Variants in IGSF10 observed in about 807,000 individuals in gnomAD.
IGSF10 encodes calvaria mechanical force protein 608.
IGSF10 carries 126 observed loss-of-function variants against 128.2 expected under a neutral mutation model. The ratio of observed to expected loss-of-function variants is 0.98; its 90% CI spans 0.85 to 1.14. IGSF10 has a LOEUF of 1.14. Among genes scored for constraint, IGSF10 ranks in the 50% most tolerant of loss-of-function variants. The pLI is 0.00. For synonymous variants in IGSF10, 1,185 were observed against 1,146.2 expected, an observed-to-expected ratio of 1.03 and a Z score of -0.68; for missense variants, 3,295 against 3,149.8, an observed-to-expected ratio of 1.05 and a Z score of -1.10.
At chr3:151,466,168 G>C in the IGSF10 span, among the ~76,000 whole-genome samples, 1 of 152,076 alleles carries the variant, frequency 6.6e-6, no homozygotes, top group African/African-American at 2.4e-5. Context: ...TTTGTCTGAA[G>C]TTTTAACAGA....
chr3:151,503,411 A>G, the IGSF10 span, among the ~76,000 whole-genome samples: 1 of 152,116 alleles, frequency 6.6e-6, no homozygotes, highest in African/African-American at 2.4e-5. Flanking sequence ...AACAAGAAAA[A>G]ATAAAAACAT....
downstream of IGSF10, chr3:151,434,951 C>CTATTGAAAGTTGAGGAATGCTGTT (rs1719934800): frequency 4.6e-5 from 7 of 151,682 alleles, no homozygotes. Context: ...TTCCACGATT[C>CTATTGAAAGTTGAGGAATGCTGTT]TATTGAAAGT....
intron 7 of IGSF10, among the ~76,000 whole-genome samples, chr3:151,441,153 G>C (rs1012491669): frequency 1.3e-5 from 2 of 152,170 alleles, no homozygotes; most frequent in African/African-American, 4.8e-5. Flanking sequence ...GAGAAAAACT[G>C]GCTTAGAGTG....
chr3:151,469,767 T>C, the IGSF10 span, among the ~76,000 whole-genome samples: 5 of 152,084 alleles, frequency 3.3e-5, no homozygotes, highest in Non-Finnish European at 7.4e-5. Flanking sequence ...CTCTAACCAA[T>C]TGTAGAAGAT....
At chr3:151,568,539 C>T in the IGSF10 span, among the ~76,000 whole-genome samples, 2 of 152,290 alleles carry the variant, frequency 1.3e-5, no homozygotes, top group African/African-American at 4.8e-5. Context: ...ACACAGAGTT[C>T]TCTTTCTTTA....
At position 151,437,236 on chromosome 3, in the gene IGSF10, A is replaced by G. The variant is rs777864278; in HGVS notation, c.7325T>C (p.Val2442Ala). Residue 2442 changes from valine (V) to alanine (A), a missense_variant, in exon 8 of 8, where the codon GTA becomes GCA. Transcript: ENST00000282466. ...PVILTYAPGT[V>A]KGISGESLSL... ...TAGAGATTCTCCACTGATGCCTTTT[A>G]CTGTCCCTGGTGCATAGGTAAGAAT... 13 of 1,614,090 alleles carry G rather than the reference A, an allele frequency of 8.1e-6. No homozygotes were observed. The African/African-American group carries it at 1.7e-4, about 22-fold the overall frequency.
the IGSF10 span, among the ~76,000 whole-genome samples, chr3:151,509,271 A>G: frequency 6.6e-6 from 1 of 152,208 alleles, no homozygotes; most frequent in Non-Finnish European, 1.5e-5. Context: ...TTTCATGCTT[A>G]ATCAGCCAAT....
intron 7 of IGSF10, among the ~76,000 whole-genome samples, chr3:151,442,380 A>ATTATTT (rs1720906624): frequency 8.0e-6 from 1 of 124,538 alleles, no homozygotes; most frequent in African/African-American, 3.2e-5. Context: ...TACAATTACT[A>ATTATTT]TTTTTTTTTT....
the IGSF10 span, among the ~76,000 whole-genome samples, chr3:151,594,293 G>A: frequency 6.7e-6 from 1 of 149,456 alleles, no homozygotes; most frequent in Admixed American, 6.6e-5. Context: ...TAAGAGAGCT[G>A]TGAATAAAGA....
the IGSF10 span, among the ~76,000 whole-genome samples, chr3:151,488,008 A>T: frequency 6.6e-6 from 1 of 151,888 alleles, no homozygotes; most frequent in African/African-American, 2.4e-5. Context: ...AGAAAAAAGC[A>T]TTTTCAGTTA....
chr3:151,478,275 T>C, the IGSF10 span, among the ~76,000 whole-genome samples: 1 of 152,240 alleles, frequency 6.6e-6, no homozygotes, highest in Admixed American at 6.5e-5. Flanking sequence ...CATGGTGTTC[T>C]TTGTCATGGA....
chr3:151,586,082 C>A, the IGSF10 span, among the ~76,000 whole-genome samples: 1,707 of 151,634 alleles, frequency 0.011, 29 homozygotes, highest in African/African-American at 0.038. Flanking sequence ...CGAGCTCAAG[C>A]AATCCTCCCA....
At chr3:151,564,121 C>T in the IGSF10 span, among the ~76,000 whole-genome samples, 1 of 152,114 alleles carries the variant, frequency 6.6e-6, no homozygotes. Flanking sequence ...CAGGTTTTAC[C>T]ACAAACCTTG....
the IGSF10 span, among the ~76,000 whole-genome samples, chr3:151,493,544 C>T: frequency 2.6e-5 from 4 of 152,058 alleles, no homozygotes; most frequent in Non-Finnish European, 5.9e-5. Flanking sequence ...GTTGCAGTTG[C>T]CTGCAGTATT....
chr3:151,490,410 G>A, the IGSF10 span, among the ~76,000 whole-genome samples: 1 of 151,956 alleles, frequency 6.6e-6, no homozygotes, highest in African/African-American at 2.4e-5. Flanking sequence ...GACATAGACA[G>A]CAATACGATA....
intron 5 of IGSF10, among the ~76,000 whole-genome samples, chr3:151,450,802 A>C (rs893819975): frequency 1.4e-5 from 2 of 146,694 alleles, no homozygotes; most frequent in Non-Finnish European, 3.0e-5. Flanking sequence ...AGGCTGAGGT[A>C]GGAGAATCAC....
Position 151,443,607 on chromosome 3 carries a change from A to C in IGSF10, c.5340T>G (p.Ile1780Met). The C allele has an allele frequency of 6.2e-7, 1 of 1,614,232 alleles. No homozygotes were observed. Among genetic ancestry groups the C allele is most frequent in the Non-Finnish European group, 8.5e-7 (1 of 1,180,050 alleles). ...CTGAGACAACTGTTTGGTTTGCAAG[A>C]ATCCAGGTAACTGTAGGGCTTGGCC... is the stretch of plus-strand genomic sequence containing the variant. ...EGRPSPTVTW[I>M]LANQTVVSES... The change falls in exon 7 of 8, where the codon ATT becomes ATG. Residue 1780 changes from isoleucine (I) to methionine (M), a missense_variant. Physicochemically the swap from Ile to Met is conservative, Grantham distance 10. Transcript: ENST00000282466.
the IGSF10 span, among the ~76,000 whole-genome samples, chr3:151,619,017 C>A: frequency 6.6e-6 from 1 of 150,664 alleles, no homozygotes; most frequent in African/African-American, 2.4e-5. Flanking sequence ...TATAAATAAT[C>A]TAAATCTCTA....
intron 7 of IGSF10, among the ~76,000 whole-genome samples, chr3:151,441,672 A>ATG (rs1302100773): frequency 3.3e-5 from 5 of 152,180 alleles, no homozygotes; most frequent in South Asian, 2.1e-4. Context: ...GTAATGGAAA[A>ATG]CCATTGTGTA....
Sources: allele counts gnomAD v4.1 joint callset (sites outside exome capture counted in the v4.1 genomes callset), GRCh38; gene constraint gnomAD v4.1.1; transcripts MANE v1.5; gene names NCBI Gene and HGNC (gene_info 2026-07-23, HGNC 2026-07-21).